The following LRP1B variants were observed in gnomAD, a reference collection of about 807,000 sequenced individuals.
LRP1B encodes the protein LDL receptor related protein 1B.
In LRP1B, 217 loss-of-function variants were observed where a neutral mutation model predicts 556.6. The ratio of observed to expected loss-of-function variants is 0.39; its 90% confidence interval spans 0.35 to 0.44. The LOEUF is 0.44. Among genes scored for constraint, LRP1B ranks in the 20% least tolerant of loss-of-function variants. The pLI is 1.00. For synonymous variants in LRP1B, 2,047 were observed against 1,865.8 expected (o/e 1.10, Z -2.50); for missense variants, 5,053 against 5,620.8 (o/e 0.90, Z 3.23).
Position 140,297,911 on chromosome 2 carries a change from G to C in LRP1B, c.12864C>G (p.Val4288=), listed in dbSNP as rs781118784. Residue 4288 remains valine, a synonymous_variant, in exon 84 of 91, where the codon GTC becomes GTG. Coordinates refer to ENST00000389484, the MANE Select transcript of LRP1B (RefSeq NM_018557.3). The part of the protein sequence containing the change: ...GFTGPNCGKT[V]CEDFCQNGGT... The stretch of plus-strand genomic sequence containing the variant: ...CTCCATTTTGACAAAAATCCTCACA[G>C]ACTGTCTTACCACAGTTTGGCCCAG... 2 of 1,613,982 alleles carry C rather than the reference G, an allele frequency of 1.2e-6. No individual in the cohort carries two copies. The highest frequency in any genetic ancestry group is 1.3e-5 in the African/African-American group (1 of 75,036).
At chr2:141,239,214 C>T (rs547669296) in intron 5 of LRP1B, among the ~76,000 whole-genome samples, 1 of 152,084 alleles carries the variant, frequency 6.6e-6, no homozygotes, top group African/African-American at 2.4e-5. Context: ...AAGGTAAAGC[C>T]TTCAAGGAGA....
chr2:141,551,814 A>G (rs1685760226), intron 2 of LRP1B, among the ~76,000 whole-genome samples: 1 of 152,090 alleles, frequency 6.6e-6, no homozygotes. Context: ...TAATGCTCTC[A>G]TTTAATAAAA....
intron 35 of LRP1B, among the ~76,000 whole-genome samples, chr2:140,753,678 A>G (rs1283263762): frequency 6.6e-6 from 1 of 152,172 alleles, no homozygotes; most frequent in African/African-American, 2.4e-5. Context: ...ACTTGCACTA[A>G]ATACTATTAC....
chr2:140,305,269 T>A (rs550766794), intron 83 of LRP1B, among the ~76,000 whole-genome samples: 1 of 152,340 alleles, frequency 6.6e-6, no homozygotes, highest in African/African-American at 2.4e-5. Context: ...TTCACGATAC[T>A]GATTCTTCCT....
At chr2:142,052,038 T>C (rs1286820030) in intron 1 of LRP1B, among the ~76,000 whole-genome samples, 1 of 152,128 alleles carries the variant, frequency 6.6e-6, no homozygotes, top group African/African-American at 2.4e-5. Context: ...TTTGGAACCT[T>C]AGTTTATGTG....
At chr2:141,863,645 A>T (rs1698319936) in intron 1 of LRP1B, among the ~76,000 whole-genome samples, 1 of 152,200 alleles carries the variant, frequency 6.6e-6, no homozygotes, top group African/African-American at 2.4e-5. Flanking sequence ...ATCACCATAA[A>T]AACAGCATGA....
At chr2:141,863,155 C>T (rs1318531113) in intron 1 of LRP1B, among the ~76,000 whole-genome samples, 1 of 152,102 alleles carries the variant, frequency 6.6e-6, no homozygotes. Flanking sequence ...TTTAAATATT[C>T]ATATTTAAAC....
intron 2 of LRP1B, among the ~76,000 whole-genome samples, chr2:141,719,959 C>T (rs572160690): frequency 2.6e-5 from 4 of 152,044 alleles, no homozygotes; most frequent in African/African-American, 9.7e-5. Context: ...GAAATATACC[C>T]ATGCAACAAA....
At chr2:142,088,608 T>A (rs1706038886) in intron 1 of LRP1B, among the ~76,000 whole-genome samples, 1 of 152,198 alleles carries the variant, frequency 6.6e-6, no homozygotes, top group African/African-American at 2.4e-5. Context: ...AGCCTTTCAA[T>A]AATAATGCTT....
At chr2:141,799,149 C>T (rs775588460) in intron 2 of LRP1B, among the ~76,000 whole-genome samples, 8 of 152,226 alleles carry the variant, frequency 5.3e-5, no homozygotes, top group Middle Eastern at 6.8e-3. Flanking sequence ...CAGACGAATA[C>T]GCTATGTTAG....
intron 32 of LRP1B, among the ~76,000 whole-genome samples, chr2:140,804,099 T>A (rs1344272109): frequency 6.6e-6 from 1 of 151,698 alleles, no homozygotes; most frequent in African/African-American, 2.4e-5. Context: ...CTTGACAACA[T>A]GTAAAGCGGA....
chr2:142,061,596 A>C (rs1704916872), intron 1 of LRP1B, among the ~76,000 whole-genome samples: 1 of 151,898 alleles, frequency 6.6e-6, no homozygotes, highest in African/African-American at 2.4e-5. Flanking sequence ...ACATTATTCA[A>C]TGTATGCAGA....
intron 3 of LRP1B, among the ~76,000 whole-genome samples, chr2:141,424,178 A>G (rs1682577528): frequency 6.6e-6 from 1 of 150,556 alleles, no homozygotes. Flanking sequence ...CAAAGGCGCA[A>G]TCTTGGCTCA....
chr2:140,546,916 T>A (rs6430916), intron 43 of LRP1B, among the ~76,000 whole-genome samples: 5 of 151,376 alleles, frequency 3.3e-5, no homozygotes, highest in African/African-American at 1.2e-4. Context: ...TAATCATGTG[T>A]TTTTTTTGTA....
At chr2:140,345,149 C>T (rs896723726) in intron 77 of LRP1B, among the ~76,000 whole-genome samples, 1 of 151,576 alleles carries the variant, frequency 6.6e-6, no homozygotes, top group Non-Finnish European at 1.5e-5. Flanking sequence ...TGGCCCTACC[C>T]ACTTGATACC....
At chr2:141,114,716 G>T (rs1018657810) in intron 7 of LRP1B, among the ~76,000 whole-genome samples, 1 of 152,080 alleles carries the variant, frequency 6.6e-6, no homozygotes, top group African/African-American at 2.4e-5. Flanking sequence ...GGGTTTCCAG[G>T]CTTGAAGGTG....
chr2:140,358,832 T>C lies in LRP1B; in HGVS notation c.11246A>G (p.Asp3749Gly), dbSNP rs1385512921. The C allele has an allele frequency of 1.2e-6, 2 of 1,608,316 alleles. No individual in the cohort carries two copies. Among genetic ancestry groups the C allele is most frequent in the African/African-American group, 1.3e-5 (1 of 74,752 alleles). Residue 3749 changes from aspartate to glycine, a missense_variant, in exon 73 of 91, where the codon GAT (aspartate) becomes GGT (glycine). Transcript: ENST00000389484. Reference protein sequence around the residue: ...IDECGDNSDEDHCGGKLTYKA... With the variant: ...IDECGDNSDEGHCGGKLTYKA... Reference sequence around the variant, plus strand: ...TTAAATGCATTTACCACCACAGTGATCTTCATCTGAATTGTCACCGCATTC... The same window carrying C: ...TTAAATGCATTTACCACCACAGTGACCTTCATCTGAATTGTCACCGCATTC...
chr2:141,621,582 G>T (rs1473495718), intron 2 of LRP1B, among the ~76,000 whole-genome samples: 2 of 152,026 alleles, frequency 1.3e-5, no homozygotes, highest in Non-Finnish European at 2.9e-5. Flanking sequence ...CAAAATTAAG[G>T]GTTTTGGATA....
intron 47 of LRP1B, 125 bp downstream of exon 47, chr2:140,533,895 AC>A: frequency 2.1e-6 from 2 of 957,734 alleles, no homozygotes; most frequent in Non-Finnish European, 3.1e-6. Flanking sequence ...AACAGCATTT[AC>A]CAAAGTGTGA....
Sources: allele counts gnomAD v4.1 joint callset (sites outside exome capture counted in the v4.1 genomes callset), GRCh38; gene constraint gnomAD v4.1.1; transcripts MANE v1.5; gene names NCBI Gene and HGNC (gene_info 2026-07-23, HGNC 2026-07-21).